The following TGM2 variants were observed in gnomAD, a reference collection of about 807,000 sequenced individuals.
TGM2 encodes the protein protein-glutamine gamma-glutamyltransferase 2.
A neutral mutation model predicts 75.6 loss-of-function variants in TGM2; 53 were observed. The ratio of observed to expected loss-of-function variants is 0.70; its 90% CI spans 0.56 to 0.88. The LOEUF (loss-of-function observed/expected upper bound fraction) is 0.88. Ranked by LOEUF, TGM2 falls within the 40% of genes least tolerant of loss-of-function variation. The probability of loss-of-function intolerance (pLI) is 0.00; values close to 1 mark genes in which losing one functional copy is unlikely to be tolerated. For synonymous variants in TGM2, 374 were observed against 381.1 expected, an observed-to-expected ratio of 0.98 and a Z score of 0.22; for missense variants, 842 against 928.5, an observed-to-expected ratio of 0.91 and a Z score of 1.21.
intron 9 of TGM2, among the ~76,000 whole-genome samples, chr20:38,138,884 G>A (rs142664618): frequency 2.0e-5 from 3 of 152,056 alleles, no homozygotes; most frequent in Admixed American, 6.5e-5. Flanking sequence ...TTTTCTCCCA[G>A]TGTTGTTGGG....
chr20:38,155,777 A>C, intron 3 of TGM2, 70 bp downstream of exon 3: 1 of 1,534,524 alleles, frequency 6.5e-7, no homozygotes, highest in Non-Finnish European at 8.8e-7. Context: ...TCTCACCTCC[A>C]GTAGCCTCCT....
chr20:38,153,028 A>G (rs939537493), intron 3 of TGM2, among the ~76,000 whole-genome samples: 3 of 92,874 alleles, frequency 3.2e-5, no homozygotes, highest in Non-Finnish European at 6.1e-5. Flanking sequence ...TTCAAAACAA[A>G]CCTATGGGGC....
intron 11 of TGM2, among the ~76,000 whole-genome samples, chr20:38,131,879 C>T (rs1052032750): frequency 2.6e-5 from 4 of 152,026 alleles, no homozygotes; most frequent in Admixed American, 6.6e-5. Flanking sequence ...TTAATTCTTA[C>T]AACACCCCTC....
At position 38,130,106 on chromosome 20, in the gene TGM2, G is replaced by T. The variant is rs1449999331; in HGVS notation, c.*113C>A. The T allele has an allele frequency of 6.9e-7, 1 of 1,457,846 alleles. No homozygotes were observed. The highest frequency in any genetic ancestry group is 9.3e-7 in the Non-Finnish European group (1 of 1,070,810). 90.3% of individuals were successfully genotyped at this position (1,457,846 alleles called of 1,614,324 possible). ...CCATTTCCGAGAGCCCCCATAGGCTGCCCACCCTGCCCTGGGGTCTGGGGC... is the reference window on the plus strand; with the variant it reads ...CCATTTCCGAGAGCCCCCATAGGCTTCCCACCCTGCCCTGGGGTCTGGGGC... On this transcript the variant is annotated 3_prime_UTR_variant, in exon 13 of 13. Coordinates refer to ENST00000361475, the MANE Select transcript of TGM2 (RefSeq NM_004613.4).
intron 3 of TGM2, among the ~76,000 whole-genome samples, chr20:38,155,427 G>A (rs1301864896): frequency 2.0e-5 from 3 of 151,982 alleles, no homozygotes; most frequent in Non-Finnish European, 4.4e-5. Context: ...CTGCAGCCTC[G>A]ACTTCCTGGA....
intron 2 of TGM2, among the ~76,000 whole-genome samples, chr20:38,160,372 A>C (rs1443824603): frequency 6.6e-6 from 1 of 152,216 alleles, no homozygotes; most frequent in Admixed American, 6.5e-5. Flanking sequence ...AAAATTGCGC[A>C]TCACGCATCT....
intron 10 of TGM2, among the ~76,000 whole-genome samples, chr20:38,136,120 C>T (rs939322495): frequency 8.5e-5 from 13 of 152,168 alleles, no homozygotes; most frequent in Admixed American, 8.5e-4. Flanking sequence ...AGGGCCTGGC[C>T]CCTGCTGAGG....
intron 10 of TGM2, among the ~76,000 whole-genome samples, chr20:38,134,405 T>A (rs932626082): frequency 6.6e-6 from 1 of 152,108 alleles, no homozygotes; most frequent in African/African-American, 2.4e-5. Flanking sequence ...TCTAGCTAGC[T>A]CCACAGGAAA....
intron 10 of TGM2, 172 bp downstream of exon 10, chr20:38,137,941 A>T: frequency 7.1e-7 from 1 of 1,400,868 alleles, no homozygotes; most frequent in Non-Finnish European, 9.4e-7. Context: ...TCACTCTTGC[A>T]ATAAGAATTA....
At chr20:38,130,816 G>A (rs1180359582) in intron 12 of TGM2, among the ~76,000 whole-genome samples, 4 of 152,216 alleles carry the variant, frequency 2.6e-5, no homozygotes, top group African/African-American at 9.7e-5. Context: ...GCAGATACCT[G>A]TCTATGTGAG....
rs767601602 is a variant in TGM2, at chr20:38,156,091, T to C, written c.191-2A>G. 5.6e-6 allele frequency: 9 copies of C among 1,611,750 alleles called. No homozygotes were observed. The South Asian group carries it at 9.9e-5, about 18-fold the overall frequency. ...CGGCCTCCTGGCTAGGGGCTGGGCC[T>C]GTGGAGGGAGAAGCAGTAGCCGTGA... On this transcript the variant is annotated splice_acceptor_variant, in intron 2 of 12. Transcript: ENST00000361475. LOFTEE classifies it high-confidence loss of function.
intron 5 of TGM2, 70 bp downstream of exon 5, chr20:38,147,891 A>G (rs1214577700): frequency 1.3e-6 from 2 of 1,560,652 alleles, no homozygotes; most frequent in African/African-American, 2.7e-5. Flanking sequence ...CTGTGTCTCC[A>G]CTGCGAGGGA....
intron 6 of TGM2, among the ~76,000 whole-genome samples, chr20:38,142,859 C>T (rs1041983779): frequency 4.6e-5 from 7 of 152,214 alleles, no homozygotes; most frequent in African/African-American, 1.7e-4. Context: ...ACGCTGTGCT[C>T]CTCCACACTG....
intron 3 of TGM2, among the ~76,000 whole-genome samples, chr20:38,153,291 G>T (rs189941136): frequency 7.1e-4 from 108 of 152,202 alleles, no homozygotes; most frequent in African/African-American, 2.3e-3. Flanking sequence ...TTGGGAGGCC[G>T]AGGTGGGCGG....
chr20:38,155,997 G>A lies in TGM2; in HGVS notation c.283C>T (p.Gln95Ter), dbSNP rs561805201. 6.2e-7 allele frequency: 1 copy of A among 1,613,722 alleles called. No homozygotes were observed. The highest frequency in any genetic ancestry group is 1.1e-5 in the South Asian group (1 of 90,874). ...TGCAGCGAGAGGGTGCAGTCTTGCT[G>A]GTCCACCACGGTGGCTGTCCAGTCA... Reference protein sequence around the residue: ...EGDWTATVVDQQDCTLSLQLT... With the variant: ...EGDWTATVVD The change falls in exon 3 of 13, where the codon CAG becomes TAG. Residue 95 changes from glutamine to a stop codon, truncating the protein, a stop_gained. Coordinates refer to ENST00000361475, the MANE Select transcript of TGM2 (RefSeq NM_004613.4). LOFTEE classifies it high-confidence loss of function.
chr20:38,139,107 A>G (rs2074936774), intron 9 of TGM2, among the ~76,000 whole-genome samples: 1 of 152,222 alleles, frequency 6.6e-6, no homozygotes, highest in Non-Finnish European at 1.5e-5. Context: ...TAGATACCAT[A>G]TTGAATTGGC....
chr20:38,168,379 G>C (rs761088653), upstream of TGM2, among the ~76,000 whole-genome samples: 1 of 152,188 alleles, frequency 6.6e-6, no homozygotes, highest in Non-Finnish European at 1.5e-5. Context: ...TTACCTCACC[G>C]GGGCTGTAAA....
chr20:38,165,481 C>G, upstream of TGM2: 3 of 555,228 alleles, frequency 5.4e-6, no homozygotes, highest in Non-Finnish European at 9.5e-6. Flanking sequence ...GGACACACAA[C>G]TAGCCCAGGA....
intron 3 of TGM2, among the ~76,000 whole-genome samples, chr20:38,152,716 A>T (rs2075128161): frequency 1.3e-5 from 2 of 152,070 alleles, no homozygotes; most frequent in Admixed American, 1.3e-4. Context: ...CATCAGACTG[A>T]TTTCCTCCCG....
Sources: gnomAD v4.1 joint callset for allele counts (sites outside exome capture counted in the v4.1 genomes callset) on GRCh38, gnomAD v4.1.1 for gene constraint, MANE v1.5 for transcripts, NCBI Gene and HGNC (gene_info 2026-07-23, HGNC 2026-07-21) for gene names.